MORC1: variants seen among roughly 807,000 people sequenced by gnomAD.
MORC1 encodes the protein MORC family CW-type zinc finger protein 1.
In MORC1, 59 loss-of-function variants were observed where a neutral mutation model predicts 134.9. That is an observed-to-expected ratio of 0.44 (90% CI 0.35 to 0.54). The LOEUF is 0.54. MORC1 is among the 20% of genes least tolerant of loss of function. The probability of loss-of-function intolerance (pLI) is 0.00; values close to 1 mark genes in which losing one functional copy is unlikely to be tolerated. For missense variants in MORC1, 947 were observed against 1,134.5 expected (o/e 0.83, Z 2.37); for synonymous variants, 395 against 391.7 (o/e 1.01, Z -0.10).
intron 8 of MORC1, among the ~76,000 whole-genome samples, chr3:109,080,877 G>T (rs892761252): frequency 2.0e-5 from 3 of 151,980 alleles, no homozygotes; most frequent in Non-Finnish European, 4.4e-5. Flanking sequence ...CAATGAAAAG[G>T]AATAGTTCAT....
chr3:109,010,751 GA>G (rs1268745636), intron 17 of MORC1, among the ~76,000 whole-genome samples: 6 of 152,094 alleles, frequency 3.9e-5, no homozygotes, highest in Admixed American at 3.9e-4. Flanking sequence ...TATATTAAGT[GA>G]AATCACACAG....
At chr3:109,079,893 A>C (rs530354724) in intron 8 of MORC1, among the ~76,000 whole-genome samples, 1 of 152,294 alleles carries the variant, frequency 6.6e-6, no homozygotes, top group Non-Finnish European at 1.5e-5. Flanking sequence ...TAAAATACCC[A>C]AAAATATACC....
At chr3:109,000,500 C>T in intron 21 of MORC1, 57 bp downstream of exon 21, 1 of 1,328,946 alleles carries the variant, frequency 7.5e-7, no homozygotes, top group South Asian at 1.4e-5. Flanking sequence ...ACAGATCCCT[C>T]TAATCTTTGT....
At chr3:109,005,463 T>C in intron 18 of MORC1, 148 bp from the exon 19 acceptor site, 1 of 700,082 alleles carries the variant, frequency 1.4e-6, no homozygotes, top group Non-Finnish European at 2.2e-6. Flanking sequence ...ACTTTAATAA[T>C]GTATAATGCC....
chr3:108,962,590 C>T (rs1652845308), intron 27 of MORC1, among the ~76,000 whole-genome samples: 1 of 152,146 alleles, frequency 6.6e-6, no homozygotes, highest in African/African-American at 2.4e-5. Flanking sequence ...CCTGTTCCAG[C>T]ACTCAGGGCC....
chr3:109,077,191 GACA>G (rs1315786275), intron 8 of MORC1, among the ~76,000 whole-genome samples: 1 of 151,998 alleles, frequency 6.6e-6, no homozygotes, highest in Non-Finnish European at 1.5e-5. Flanking sequence ...GAAAAATAAA[GACA>G]CTTGTAGAGA....
At chr3:109,103,098 G>A (rs1378392778) in intron 4 of MORC1, among the ~76,000 whole-genome samples, 1 of 152,192 alleles carries the variant, frequency 6.6e-6, no homozygotes, top group East Asian at 1.9e-4. Context: ...TTCCTCAGTT[G>A]TGGAACTGAC....
At position 109,027,909 on chromosome 3, in the gene MORC1, A is replaced by C. The variant is rs749296464; in HGVS notation, c.1566-20T>G. On this transcript the variant is annotated intron_variant, in intron 16 of 27. Transcript: ENST00000232603. The stretch of plus-strand genomic sequence containing the variant: ...TGACAACTTCAGAATCAACAAGTAC[A>C]AGATTAACATCAGGAGAAATATAAA... The C allele has an allele frequency of 2.0e-5, 32 of 1,610,372 alleles. No homozygotes were observed. The highest frequency in any genetic ancestry group is 2.7e-5 in the Non-Finnish European group (32 of 1,178,094).
At chr3:109,057,592 T>C (rs2290061) in intron 12 of MORC1, 106 bp from the exon 13 acceptor site, 149,065 of 1,073,126 alleles carry the variant, frequency 0.14, 11,466 homozygotes, top group African/African-American at 0.21. Flanking sequence ...AAGGCATATA[T>C]CCAAATATTT....
At chr3:109,069,559 T>C in intron 9 of MORC1, 73 bp downstream of exon 9, 2 of 1,397,590 alleles carry the variant, frequency 1.4e-6, no homozygotes, top group South Asian at 3.4e-5. Flanking sequence ...TGTCCTCACT[T>C]TGACAACTTT....
intron 8 of MORC1, among the ~76,000 whole-genome samples, chr3:109,072,924 A>T (rs946370148): frequency 3.6e-5 from 5 of 140,272 alleles, no homozygotes; most frequent in Non-Finnish European, 7.5e-5. Flanking sequence ...GAGACAGAAC[A>T]ATCTCCCTCA....
At chr3:109,047,042 T>C (rs554935946) in intron 14 of MORC1, among the ~76,000 whole-genome samples, 2 of 152,150 alleles carry the variant, frequency 1.3e-5, no homozygotes, top group Non-Finnish European at 2.9e-5. Context: ...GGAAAGAGTT[T>C]ACATGTACAC....
intron 12 of MORC1, among the ~76,000 whole-genome samples, chr3:109,059,518 C>T (rs34550682): frequency 3.6e-4 from 55 of 152,264 alleles, no homozygotes; most frequent in Admixed American, 7.8e-4. Context: ...ACTTCCTCAT[C>T]CAGACATTTT....
chr3:109,044,611 T>C (rs1320081850), intron 14 of MORC1, among the ~76,000 whole-genome samples: 1 of 149,332 alleles, frequency 6.7e-6, no homozygotes, highest in East Asian at 2.0e-4. Context: ...CAAAAACCAG[T>C]AACTACAAGA....
intron 16 of MORC1, among the ~76,000 whole-genome samples, chr3:109,032,514 T>C (rs924494501): frequency 2.6e-5 from 4 of 152,136 alleles, no homozygotes; most frequent in Non-Finnish European, 5.9e-5. Flanking sequence ...CGTCTTCAGA[T>C]AGTTACACCC....
rs1441094629 is a variant in MORC1 at position 108,979,523 on chromosome 3, A to G, written c.2469T>C (p.Ser823=). The G allele has an allele frequency of 6.2e-7, 1 of 1,613,952 alleles. No homozygotes were observed. The highest frequency in any genetic ancestry group is 8.5e-7 in the Non-Finnish European group (1 of 1,179,946). The change falls in exon 24 of 28, where the codon TCT becomes TCC. Residue 823 remains serine, a synonymous_variant. Coordinates refer to ENST00000232603, the MANE Select transcript of MORC1 (RefSeq NM_014429.4). The stretch of plus-strand genomic sequence containing the variant: ...TGAGTAAATATCTTTACCTTAACTT[A>G]GACTTCAGTTTTCTCACTGTTTCCT... ...PVKETVRKLK[S]KLREILLYFF...
intron 17 of MORC1, among the ~76,000 whole-genome samples, chr3:109,019,482 A>C (rs1948904630): frequency 6.7e-6 from 1 of 149,048 alleles, no homozygotes; most frequent in Non-Finnish European, 1.5e-5. Flanking sequence ...AACAGCTTTG[A>C]ACTAAGAATC....
chr3:109,099,301 G>C (rs1357108808), intron 6 of MORC1, 57 bp downstream of exon 6: 1 of 1,228,854 alleles, frequency 8.1e-7, no homozygotes, highest in Non-Finnish European at 1.2e-6. Flanking sequence ...CCTCCTGAGA[G>C]AGTAAATGAA....
chr3:109,106,847 T>G (rs1951051747), intron 3 of MORC1, among the ~76,000 whole-genome samples: 1 of 152,198 alleles, frequency 6.6e-6, no homozygotes, highest in Non-Finnish European at 1.5e-5. Context: ...CAGTCTTCCA[T>G]CAGTCGTGCA....
Sources: allele counts gnomAD v4.1 joint callset (sites outside exome capture counted in the v4.1 genomes callset), GRCh38; gene constraint gnomAD v4.1.1; transcripts MANE v1.5; gene names NCBI Gene and HGNC (gene_info 2026-07-23, HGNC 2026-07-21).